Variants in SLC8A1 observed in about 807,000 individuals in gnomAD.
SLC8A1 encodes sodium/calcium exchanger 1.
Under a neutral mutation model 68.3 loss-of-function variants are expected in SLC8A1, and 18 were observed. The observed-to-expected ratio is 0.26, with a 90% CI of 0.18 to 0.39. SLC8A1 has a LOEUF of 0.39. Among genes scored for constraint, SLC8A1 ranks in the 10% least tolerant of loss-of-function variants. The pLI is 1.00. For synonymous variants in SLC8A1, 475 were observed against 415.5 expected (o/e 1.14, Z -1.74); for missense variants, 985 against 1,156.7 (o/e 0.85, Z 2.15).
chr2:40,380,099 G>A (rs1014022335), intron 2 of SLC8A1, among the ~76,000 whole-genome samples: 3 of 152,132 alleles, frequency 2.0e-5, no homozygotes, highest in African/African-American at 7.2e-5. Context: ...AGCTTGATCA[G>A]TGCTTTGTAG....
At chr2:40,344,025 G>A (rs1359113397) in intron 2 of SLC8A1, among the ~76,000 whole-genome samples, 2 of 152,154 alleles carry the variant, frequency 1.3e-5, no homozygotes, top group Non-Finnish European at 1.5e-5. Flanking sequence ...AAGAGAGTGT[G>A]TACGATGGCA....
At chr2:40,185,158 T>C (rs1184292608) in intron 2 of SLC8A1, among the ~76,000 whole-genome samples, 1 of 152,172 alleles carries the variant, frequency 6.6e-6, no homozygotes, top group East Asian at 1.9e-4. Flanking sequence ...ATGCTGCTAA[T>C]AGGAATGTAA....
At chr2:40,406,915 A>G (rs938453950) in intron 2 of SLC8A1, among the ~76,000 whole-genome samples, 1 of 152,072 alleles carries the variant, frequency 6.6e-6, no homozygotes, top group Middle Eastern at 3.4e-3. Flanking sequence ...TAACAAGGCA[A>G]TCCTCTGTGT....
At chr2:40,458,661 C>T (rs892587034) in intron 1 of SLC8A1, among the ~76,000 whole-genome samples, 3 of 152,090 alleles carry the variant, frequency 2.0e-5, no homozygotes, top group South Asian at 2.1e-4. Flanking sequence ...CACTGCAGGA[C>T]GAGGAACCAC....
At chr2:40,457,515 G>A (rs1323334104) in intron 1 of SLC8A1, among the ~76,000 whole-genome samples, 1 of 152,138 alleles carries the variant, frequency 6.6e-6, no homozygotes, top group East Asian at 1.9e-4. Flanking sequence ...GGGGAAAATT[G>A]ACTAAACTTA....
intron 5 of SLC8A1, among the ~76,000 whole-genome samples, chr2:40,162,234 A>G (rs2045814529): frequency 6.6e-6 from 1 of 152,208 alleles, no homozygotes; most frequent in South Asian, 2.1e-4. Context: ...CATAACTTGA[A>G]GCACTTGACC....
chr2:40,318,303 G>C (rs1263746433), intron 2 of SLC8A1, among the ~76,000 whole-genome samples: 1 of 151,952 alleles, frequency 6.6e-6, no homozygotes, highest in Non-Finnish European at 1.5e-5. Flanking sequence ...TCTCCTGAAA[G>C]AGGCTGGGCA....
intron 2 of SLC8A1, among the ~76,000 whole-genome samples, chr2:40,289,668 T>A (rs535733827): frequency 2.6e-5 from 4 of 152,002 alleles, no homozygotes; most frequent in African/African-American, 9.6e-5. Flanking sequence ...CTGGCCAACA[T>A]GGTGAAACCC....
intron 5 of SLC8A1, among the ~76,000 whole-genome samples, chr2:40,163,375 C>A (rs1241671489): frequency 6.6e-6 from 1 of 152,126 alleles, no homozygotes; most frequent in Non-Finnish European, 1.5e-5. Context: ...AGAACCCAGG[C>A]AAAGGGCAGG....
At chr2:40,466,602 T>C (rs1356925845) in intron 1 of SLC8A1, among the ~76,000 whole-genome samples, 1 of 152,204 alleles carries the variant, frequency 6.6e-6, no homozygotes. Flanking sequence ...TGCTTCTTTC[T>C]ATATTACGAG....
chr2:40,466,805 T>C (rs558996010), intron 1 of SLC8A1, among the ~76,000 whole-genome samples: 1 of 152,290 alleles, frequency 6.6e-6, no homozygotes, highest in South Asian at 2.1e-4. Flanking sequence ...GGACTCTGTA[T>C]TTCCAATACA....
At chr2:40,252,891 A>C (rs1186011745) in intron 2 of SLC8A1, among the ~76,000 whole-genome samples, 9 of 93,138 alleles carry the variant, frequency 9.7e-5, no homozygotes, top group African/African-American at 1.4e-4. Context: ...TTTTGAGCCA[A>C]ATTTTATATG....
At chr2:40,228,443 C>A (rs1377113618) in intron 2 of SLC8A1, among the ~76,000 whole-genome samples, 1 of 152,316 alleles carries the variant, frequency 6.6e-6, no homozygotes, top group African/African-American at 2.4e-5. Flanking sequence ...TTAAAGCCAA[C>A]TGGAGGCAGC....
chr2:40,330,823 A>G (rs2076333138), intron 2 of SLC8A1, among the ~76,000 whole-genome samples: 1 of 152,232 alleles, frequency 6.6e-6, no homozygotes, highest in African/African-American at 2.4e-5. Context: ...TGGAAAAATG[A>G]CAAATGGCAA....
At chr2:40,203,798 T>C (rs1239915954) in intron 2 of SLC8A1, among the ~76,000 whole-genome samples, 1 of 151,960 alleles carries the variant, frequency 6.6e-6, no homozygotes, top group Non-Finnish European at 1.5e-5. Context: ...CTCAACCTTC[T>C]GGGCTCAAAT....
At chr2:40,413,023 G>A (rs1005786716) in intron 2 of SLC8A1, among the ~76,000 whole-genome samples, 46 of 151,998 alleles carry the variant, frequency 3.0e-4, no homozygotes. Context: ...TTTAGCATCA[G>A]GTATATCACC....
intron 6 of SLC8A1, among the ~76,000 whole-genome samples, chr2:40,142,505 C>A (rs13426771): frequency 0.36 from 54,720 of 151,996 alleles, 10,213 homozygotes; most frequent in East Asian, 0.62. Flanking sequence ...CTTTGGAAAG[C>A]ATTTTAATCA....
intron 2 of SLC8A1, among the ~76,000 whole-genome samples, chr2:40,204,979 C>T (rs1013056722): frequency 1.3e-5 from 2 of 151,882 alleles, no homozygotes; most frequent in Non-Finnish European, 2.9e-5. Flanking sequence ...TTCCATTGTT[C>T]ACACTCATAA....
intron 7 of SLC8A1, 27 bp from the exon 11 acceptor site, chr2:40,115,656 G>C: frequency 2.5e-6 from 4 of 1,588,600 alleles, no homozygotes; most frequent in Non-Finnish European, 3.4e-6. Context: ...GAAAGTCAAT[G>C]ACACTCAATC....
Sources: gnomAD v4.1 joint callset for allele counts (sites outside exome capture counted in the v4.1 genomes callset) on GRCh38, gnomAD v4.1.1 for gene constraint, MANE v1.5 for transcripts, NCBI Gene and HGNC (gene_info 2026-07-23, HGNC 2026-07-21) for gene names.